Variants in SLIT1 observed in about 807,000 individuals in gnomAD.
SLIT1 encodes the protein slit homolog 1 protein.
SLIT1 carries 66 observed loss-of-function variants against 186.1 expected under a neutral mutation model. The ratio of observed to expected loss-of-function variants is 0.35; its 90% CI spans 0.29 to 0.44. The LOEUF (loss-of-function observed/expected upper bound fraction) is 0.44, where lower values mean the gene tolerates loss of function less well. SLIT1 is among the 20% of genes least tolerant of loss of function. The pLI, the probability that SLIT1 is intolerant of heterozygous loss-of-function variation, is 1.00. For synonymous variants in SLIT1, 761 were observed against 833.8 expected (o/e 0.91, Z 1.50); for missense variants, 1,638 against 2,037.4 (o/e 0.80, Z 3.77).
rs767291022 is a variant in SLIT1, at chr10:97,014,012, C to T, written c.3109+7G>A. The T allele has an allele frequency of 8.1e-6, 13 of 1,612,890 alleles. No individual in the cohort carries two copies. The Admixed American group carries it at 2.0e-4, about 25-fold the overall frequency. ...TCCCCCAGACACTGCTGCCCTGACG[C>T]ACTTACCCTCATACTGCAGGGGGCA... On this transcript the variant is annotated splice_region_variant and intron_variant, in intron 29 of 36. Coordinates refer to ENST00000266058, the MANE Select transcript of SLIT1 (RefSeq NM_003061.3).
At chr10:97,018,833 A>AC (rs1848477932) in intron 27 of SLIT1, 150 bp from the exon 28 acceptor site, 2 of 639,930 alleles carry the variant, frequency 3.1e-6, no homozygotes, top group Non-Finnish European at 5.6e-6. Flanking sequence ...TCATTCATTC[A>AC]TTCATTCATT....
intron 4 of SLIT1, among the ~76,000 whole-genome samples, chr10:97,147,289 G>C (rs761276003): frequency 5.3e-5 from 8 of 152,140 alleles, no homozygotes; most frequent in Admixed American, 2.6e-4. Context: ...AGGAGCTATT[G>C]CTCAATGGGT....
chr10:97,179,802 C>CG (rs981649556), intron 1 of SLIT1, among the ~76,000 whole-genome samples: 2 of 122,296 alleles, frequency 1.6e-5, no homozygotes, highest in African/African-American at 2.6e-5. Flanking sequence ...CCACACCCTC[C>CG]CCGCCCCCCG....
chr10:97,088,802 C>A lies in SLIT1; in HGVS notation c.414-22716G>T, dbSNP rs193071351. 3.1e-3 allele frequency among the ~76,000 whole-genome samples: 479 copies of A among 152,262 alleles called. 1 individual carries two copies. The highest frequency in any genetic ancestry group is 5.3e-3 in the Non-Finnish European group (360 of 68,004). ...TGGGTGACAGGATCGCAGGGGCCCACGTCCATAAAGGAATGAAGCACTGTG... is the reference window on the plus strand; with the variant it reads ...TGGGTGACAGGATCGCAGGGGCCCAAGTCCATAAAGGAATGAAGCACTGTG... On this transcript the variant is annotated intron_variant, in intron 4 of 36. Coordinates refer to ENST00000266058, the MANE Select transcript of SLIT1 (RefSeq NM_003061.3).
intron 4 of SLIT1, among the ~76,000 whole-genome samples, chr10:97,087,958 C>G (rs1395619419): frequency 6.6e-6 from 1 of 152,176 alleles, no homozygotes; most frequent in Admixed American, 6.5e-5. Context: ...GAATCGCACC[C>G]AGCCCCCGAG....
At chr10:97,024,916 A>G (rs1310743298) in intron 25 of SLIT1, among the ~76,000 whole-genome samples, 1 of 152,190 alleles carries the variant, frequency 6.6e-6, no homozygotes, top group African/African-American at 2.4e-5. Flanking sequence ...CCCTCCATAA[A>G]TGTCAGCAAA....
intron 18 of SLIT1, among the ~76,000 whole-genome samples, chr10:97,044,826 C>A (rs1414506701): frequency 6.6e-6 from 1 of 152,190 alleles, no homozygotes; most frequent in Non-Finnish European, 1.5e-5. Flanking sequence ...GTGAACTTCA[C>A]AATAAAGATA....
At position 97,166,552 on chromosome 10, in the gene SLIT1, AAG is replaced by A. The variant is rs1174287956; in HGVS notation, c.198-1664_198-1663del. 3.0e-4 allele frequency among the ~76,000 whole-genome samples: 17 copies of A among 55,988 alleles called. 1 individual carries two copies. Among genetic ancestry groups the A allele is most frequent in the Non-Finnish European group, 5.7e-4 (15 of 26,128 alleles). 36.7% of individuals were successfully genotyped at this position (55,988 alleles called of 152,430 possible). ...GAAAGAAGGAAGGAAGGAAGGAAGG[AAG>A]GAAAGAGAGAGAGAGAGAAAGAAAG... On this transcript the variant is annotated intron_variant, in intron 1 of 36. Coordinates refer to ENST00000266058, the MANE Select transcript of SLIT1 (RefSeq NM_003061.3).
intron 4 of SLIT1, among the ~76,000 whole-genome samples, chr10:97,076,382 C>A (rs560668814): frequency 5.9e-5 from 9 of 152,278 alleles, no homozygotes; most frequent in Non-Finnish European, 1.0e-4. Context: ...ATGGGTGGGA[C>A]GCTGGGATGC....
intron 30 of SLIT1, among the ~76,000 whole-genome samples, chr10:97,013,490 G>C (rs1265151051): frequency 1.3e-5 from 2 of 152,204 alleles, no homozygotes; most frequent in African/African-American, 4.8e-5. Flanking sequence ...TTACAGATGA[G>C]AAAACAAGCT....
At chr10:97,033,603 G>A (rs893334303) in intron 23 of SLIT1, among the ~76,000 whole-genome samples, 34 of 152,140 alleles carry the variant, frequency 2.2e-4, no homozygotes, top group Non-Finnish European at 3.5e-4. Flanking sequence ...CAGCTGCCAC[G>A]GTGGCATGAA....
intron 1 of SLIT1, among the ~76,000 whole-genome samples, chr10:97,179,187 G>C (rs979341412): frequency 2.0e-5 from 3 of 152,122 alleles, no homozygotes; most frequent in African/African-American, 7.2e-5. Flanking sequence ...TGCTGATGGG[G>C]CATTGACTAT....
At chr10:97,018,374 C>G (rs1265044718) in intron 28 of SLIT1, among the ~76,000 whole-genome samples, 1 of 152,208 alleles carries the variant, frequency 6.6e-6, no homozygotes, top group Non-Finnish European at 1.5e-5. Context: ...CTCTGTGCTC[C>G]CACTGCATCT....
chr10:97,180,183 C>T (rs1850316091), intron 1 of SLIT1, among the ~76,000 whole-genome samples: 2 of 152,256 alleles, frequency 1.3e-5, no homozygotes, highest in South Asian at 4.1e-4. Context: ...TGGGATCCAG[C>T]GTGACGCCCA....
chr10:97,099,367 G>C (rs756285606), intron 4 of SLIT1, among the ~76,000 whole-genome samples: 1 of 152,186 alleles, frequency 6.6e-6, no homozygotes, highest in African/African-American at 2.4e-5. Context: ...ACCCAGAGCA[G>C]CAGGCTCAAC....
intron 4 of SLIT1, among the ~76,000 whole-genome samples, chr10:97,115,658 G>C (rs769229371): frequency 3.3e-5 from 5 of 152,126 alleles, no homozygotes; most frequent in Non-Finnish European, 5.9e-5. Context: ...TCTGTCACTG[G>C]GTCATTGCTG....
intron 25 of SLIT1, among the ~76,000 whole-genome samples, chr10:97,028,274 C>T (rs760210635): frequency 6.6e-6 from 1 of 152,316 alleles, no homozygotes; most frequent in African/African-American, 2.4e-5. Flanking sequence ...TCACTCCTGC[C>T]TCCTCCCACC....
At chr10:97,144,965 C>T (rs1849801656) in intron 4 of SLIT1, among the ~76,000 whole-genome samples, 1 of 152,070 alleles carries the variant, frequency 6.6e-6, no homozygotes, top group Non-Finnish European at 1.5e-5. Flanking sequence ...CAGAGCCCCA[C>T]AGATAATCAG....
chr10:97,051,646 C>A (rs1848787856), intron 13 of SLIT1, among the ~76,000 whole-genome samples: 2 of 152,030 alleles, frequency 1.3e-5, no homozygotes, highest in Admixed American at 1.3e-4. Context: ...CCCGTCTCTA[C>A]TAAAAATACA....
Sources: gnomAD v4.1 joint callset for allele counts (sites outside exome capture counted in the v4.1 genomes callset) on GRCh38, gnomAD v4.1.1 for gene constraint, MANE v1.5 for transcripts, NCBI Gene and HGNC (gene_info 2026-07-23, HGNC 2026-07-21) for gene names.